C19orf47: variants seen among roughly 807,000 people sequenced by gnomAD.
C19orf47 encodes uncharacterized protein C19orf47.
C19orf47 carries 18 observed loss-of-function variants against 32.3 expected under a neutral mutation model. The observed-to-expected ratio is 0.56, with a 90% CI of 0.39 to 0.83. C19orf47 has a LOEUF of 0.83. Among genes scored for constraint, C19orf47 ranks in the 40% least tolerant of loss-of-function variants. The probability of loss-of-function intolerance (pLI) is 0.00; values close to 1 mark genes in which losing one functional copy is unlikely to be tolerated. For synonymous variants in C19orf47, 202 were observed against 211.1 expected (o/e 0.96, Z 0.37); for missense variants, 484 against 531.6 (o/e 0.91, Z 0.88).
upstream of C19orf47, chr19:40,348,503 G>A (rs1323422714): frequency 1.3e-6 from 2 of 1,492,696 alleles, no homozygotes; most frequent in Non-Finnish European, 1.8e-6. Context: ...GCGAGAGTGC[G>A]GCCATAACCA....
rs916134588 is a variant in C19orf47 at position 40,326,320 on chromosome 19, T to C, written c.592+14A>G. ...TGGACCCCGCAGGGAAGCATGCCCC[T>C]GATGGGCCAGTACCTTTTGCAGCCT... is the stretch of plus-strand genomic sequence containing the variant. On this transcript the variant is annotated intron_variant, in intron 7 of 8. Coordinates refer to ENST00000683109, the MANE Select transcript of C19orf47 (RefSeq NM_001256441.2). The C allele has an allele frequency of 1.2e-6, 2 of 1,613,960 alleles. No individual in the cohort carries two copies. The highest frequency in any genetic ancestry group is 1.7e-4 in the Middle Eastern group (1 of 6,040).
chr19:40,327,826 G>C (rs2145544422), intron 6 of C19orf47, among the ~76,000 whole-genome samples: 1 of 152,308 alleles, frequency 6.6e-6, no homozygotes, highest in Admixed American at 6.5e-5. Context: ...AAGGCCCCAT[G>C]ATGGGAAGGA....
At chr19:40,306,868 A>G in the C19orf47 span, among the ~76,000 whole-genome samples, 1 of 144,152 alleles carries the variant, frequency 6.9e-6, no homozygotes, top group African/African-American at 2.6e-5. Flanking sequence ...GGCTCACTGC[A>G]GGCTCCGCCC....
chr19:40,335,511 C>T (rs1046394952), intron 4 of C19orf47, among the ~76,000 whole-genome samples: 1 of 152,066 alleles, frequency 6.6e-6, no homozygotes, highest in Admixed American at 6.5e-5. Flanking sequence ...TTTGGGAGAC[C>T]GAGGCAGGAG....
At chr19:40,330,594 T>C (rs2145560123) in intron 5 of C19orf47, among the ~76,000 whole-genome samples, 1 of 122,032 alleles carries the variant, frequency 8.2e-6, no homozygotes, top group East Asian at 2.6e-4. Context: ...TTGCCCACGA[T>C]GATGGAGTAC....
At chr19:40,348,217 G>C (rs1179092286) in intron 1 of C19orf47, 107 bp downstream of exon 1, 9 of 694,922 alleles carry the variant, frequency 1.3e-5, no homozygotes, top group South Asian at 3.5e-5. Context: ...GAAACAAATC[G>C]TAAGTCCGAA....
chr19:40,326,302 C>T (rs369727103), intron 7 of C19orf47, 32 bp downstream of exon 7: 1 of 1,612,634 alleles, frequency 6.2e-7, no homozygotes, highest in Non-Finnish European at 8.5e-7. Context: ...ACATGGACCC[C>T]GCAGGGAAGC....
At chr19:40,304,664 T>G in the C19orf47 span, among the ~76,000 whole-genome samples, 1 of 152,142 alleles carries the variant, frequency 6.6e-6, no homozygotes, top group African/African-American at 2.4e-5. Context: ...CATCTGGCCC[T>G]TCTTTGAATC....
intron 5 of C19orf47, among the ~76,000 whole-genome samples, chr19:40,330,173 T>C (rs774425978): frequency 3.9e-5 from 6 of 152,188 alleles, no homozygotes; most frequent in Non-Finnish European, 5.9e-5. Flanking sequence ...CCTTTCTTTC[T>C]TTGCCTGTTT....
chr19:40,329,994 G>A (rs1289208475), intron 5 of C19orf47, among the ~76,000 whole-genome samples: 4 of 152,140 alleles, frequency 2.6e-5, no homozygotes, highest in East Asian at 3.8e-4. Context: ...TTTGGGTGGC[G>A]GTTAAGCAAC....
chr19:40,347,910 C>T (rs1483722626), intron 1 of C19orf47, among the ~76,000 whole-genome samples: 2 of 152,194 alleles, frequency 1.3e-5, no homozygotes, highest in African/African-American at 4.8e-5. Flanking sequence ...TATCTGCTCT[C>T]ATTGTACAGA....
intron 3 of C19orf47, 34 bp downstream of exon 3, chr19:40,336,286 C>T: frequency 6.2e-7 from 1 of 1,613,812 alleles, no homozygotes; most frequent in Non-Finnish European, 8.5e-7. Flanking sequence ...CAGCCAGCTC[C>T]CCACCACCCC....
the C19orf47 span, among the ~76,000 whole-genome samples, chr19:40,300,202 C>T: frequency 3.3e-5 from 5 of 151,946 alleles, no homozygotes; most frequent in African/African-American, 7.3e-5. Context: ...TGCAATGGCT[C>T]GTGCTTGTAA....
At chr19:40,331,355 C>A (rs143988532) in intron 5 of C19orf47, among the ~76,000 whole-genome samples, 35 of 152,330 alleles carry the variant, frequency 2.3e-4, no homozygotes, top group African/African-American at 8.2e-4. Flanking sequence ...ATCAGGACAA[C>A]CATCAGATAT....
chr19:40,326,421 C>T lies in C19orf47; in HGVS notation c.505G>A (p.Glu169Lys). 1 of 1,614,212 alleles carries T rather than the reference C, an allele frequency of 6.2e-7. No individual in the cohort carries two copies. Among genetic ancestry groups the T allele is most frequent in the Non-Finnish European group, 8.5e-7 (1 of 1,180,050 alleles). ...TTGATGACGTACTTCCCCTCCATCT[C>T]AGCAGTGACCCGGCGCCGCTTGGCA... ...VPAKRRRVTA[E>K]MEGKYVINMP... Residue 169 changes from glutamate (E) to lysine (K), a missense_variant, in exon 7 of 9, where the codon GAG becomes AAG. Coordinates refer to ENST00000683109, the MANE Select transcript of C19orf47 (RefSeq NM_001256441.2).
chr19:40,325,810 C>A (rs1028686532), intron 7 of C19orf47, among the ~76,000 whole-genome samples: 1 of 152,124 alleles, frequency 6.6e-6, no homozygotes, highest in Non-Finnish European at 1.5e-5. Context: ...GCATGGGCCA[C>A]CGCGCCCAGC....
chr19:40,336,546 G>T, intron 2 of C19orf47, 139 bp from the exon 3 acceptor site: 1 of 730,174 alleles, frequency 1.4e-6, no homozygotes, highest in South Asian at 1.7e-5. Context: ...ACACACACAT[G>T]ATGGAACTGA....
the C19orf47 span, among the ~76,000 whole-genome samples, chr19:40,293,171 C>T: frequency 2.0e-5 from 3 of 150,952 alleles, no homozygotes; most frequent in Non-Finnish European, 2.9e-5. Flanking sequence ...GATGGAGTCT[C>T]ACTCTGTTGC....
chr19:40,331,033 G>GA (rs2077942367), intron 5 of C19orf47, among the ~76,000 whole-genome samples: 1 of 152,186 alleles, frequency 6.6e-6, no homozygotes, highest in Non-Finnish European at 1.5e-5. Context: ...TATTATGGGT[G>GA]AATGCTTTTC....
Sources: gnomAD v4.1 joint callset for allele counts (sites outside exome capture counted in the v4.1 genomes callset) on GRCh38, gnomAD v4.1.1 for gene constraint, MANE v1.5 for transcripts, NCBI Gene and HGNC (gene_info 2026-07-23, HGNC 2026-07-21) for gene names.